DIPK1A: variants seen among roughly 807,000 people sequenced by gnomAD.
The protein encoded by DIPK1A is family with sequence similarity 69 member A.
A neutral mutation model predicts 40.8 loss-of-function variants in DIPK1A; 27 were observed. That is an observed-to-expected ratio of 0.66 (90% CI 0.49 to 0.91). DIPK1A has a LOEUF of 0.91. DIPK1A is among the 40% of genes least tolerant of loss of function. The probability of loss-of-function intolerance (pLI) is 0.00; values close to 1 mark genes in which losing one functional copy is unlikely to be tolerated. For missense variants in DIPK1A, 412 were observed against 505.7 expected (o/e 0.81, Z 1.78); for synonymous variants, 166 against 171.3 (o/e 0.97, Z 0.24).
chr1:92,864,088 C>CA (rs1220104047), intron 2 of DIPK1A, among the ~76,000 whole-genome samples: 3 of 151,746 alleles, frequency 2.0e-5, no homozygotes, highest in Admixed American at 6.6e-5. Flanking sequence ...AAAAAAACAA[C>CA]AAAAAAACCC....
At chr1:92,955,349 C>T (rs577614396) in intron 1 of DIPK1A, among the ~76,000 whole-genome samples, 12 of 152,176 alleles carry the variant, frequency 7.9e-5, no homozygotes, top group Non-Finnish European at 1.3e-4. Flanking sequence ...GGTGATAATA[C>T]GTCAGTGTAA....
intron 2 of DIPK1A, among the ~76,000 whole-genome samples, chr1:92,863,429 T>C (rs754555445): frequency 2.1e-4 from 32 of 152,080 alleles, no homozygotes; most frequent in Non-Finnish European, 1.0e-4. Flanking sequence ...CCACCAGAAG[T>C]GCTACTATGA....
intron 1 of DIPK1A, among the ~76,000 whole-genome samples, chr1:92,888,220 C>G (rs949985169): frequency 3.3e-5 from 5 of 152,052 alleles, no homozygotes; most frequent in Admixed American, 1.3e-4. Flanking sequence ...CTAGTAACCG[C>G]TCTTCTACTC....
intron 1 of DIPK1A, among the ~76,000 whole-genome samples, chr1:92,919,022 C>A (rs1396068529): frequency 6.6e-6 from 1 of 152,146 alleles, no homozygotes; most frequent in Non-Finnish European, 1.5e-5. Context: ...AAGCCATGGG[C>A]TGGTACTGGT....
Position 92,891,244 on chromosome 1 carries a change from TTTTG to T in DIPK1A, c.55-14818_55-14815del, listed in dbSNP as rs548860571. ...GTTAGTCCAGCTAATGGTTTACCAA[TTTTG>T]TTTGTCTTTTTGAAAAACCAATTTT... is the stretch of plus-strand genomic sequence containing the variant. On this transcript the variant is annotated intron_variant, in intron 1 of 4. Coordinates refer to ENST00000370310, the MANE Select transcript of DIPK1A (RefSeq NM_001006605.5). Among the ~76,000 whole-genome samples, 12 of 152,220 alleles carry T rather than the reference TTTTG, an allele frequency of 7.9e-5. No homozygotes were observed. In the South Asian group the frequency reaches 2.3e-3, roughly 29 times the overall value.
chr1:92,952,302 C>T (rs185502861), intron 1 of DIPK1A, among the ~76,000 whole-genome samples: 49 of 152,252 alleles, frequency 3.2e-4, no homozygotes, highest in Admixed American at 2.7e-3. Flanking sequence ...AAATTACAGA[C>T]ATTATGATAC....
At chr1:92,846,652 AG>A in intron 4 of DIPK1A, 1 of 397,854 alleles carries the variant, frequency 2.5e-6, no homozygotes, top group Non-Finnish European at 4.9e-6. Flanking sequence ...TTTTTGAAAC[AG>A]GGTCTCACTT....
intron 1 of DIPK1A, among the ~76,000 whole-genome samples, chr1:92,927,181 TTTG>T (rs1212874217): frequency 3.3e-5 from 5 of 152,018 alleles, no homozygotes; most frequent in East Asian, 3.8e-4. Flanking sequence ...AATTCAATGT[TTTG>T]TTGTTGTTGT....
intron 1 of DIPK1A, among the ~76,000 whole-genome samples, chr1:92,958,376 C>T (rs1344483036): frequency 1.3e-5 from 2 of 152,176 alleles, no homozygotes; most frequent in East Asian, 3.8e-4. Flanking sequence ...GCTCCTAAGG[C>T]CTGAACACCT....
chr1:92,838,844 C>G (rs763745777), downstream of DIPK1A, among the ~76,000 whole-genome samples: 1 of 152,138 alleles, frequency 6.6e-6, no homozygotes, highest in Non-Finnish European at 1.5e-5. Context: ...AATTAACTTT[C>G]AAAATGGGTA....
chr1:92,867,570 A>G (rs1055048226), intron 2 of DIPK1A, among the ~76,000 whole-genome samples: 7 of 152,132 alleles, frequency 4.6e-5, no homozygotes, highest in Non-Finnish European at 1.5e-5. Context: ...CAGTGGCACA[A>G]TCTCAGCTCA....
At chr1:92,927,054 T>C (rs1363975200) in intron 1 of DIPK1A, among the ~76,000 whole-genome samples, 1 of 152,208 alleles carries the variant, frequency 6.6e-6, no homozygotes, top group East Asian at 1.9e-4. Flanking sequence ...TTGCTGTTTC[T>C]CTGTTCCTCT....
intron 1 of DIPK1A, among the ~76,000 whole-genome samples, chr1:92,892,878 G>T (rs1047854433): frequency 6.6e-6 from 1 of 152,038 alleles, no homozygotes; most frequent in African/African-American, 2.4e-5. Flanking sequence ...TAGCCGATTC[G>T]ATCAACTGGA....
At chr1:92,903,730 T>C (rs1649505937) in intron 1 of DIPK1A, among the ~76,000 whole-genome samples, 1 of 152,250 alleles carries the variant, frequency 6.6e-6, no homozygotes, top group Non-Finnish European at 1.5e-5. Flanking sequence ...GTTTGAATTC[T>C]TTGGGCTTGA....
chr1:92,909,854 C>T (rs917604511), intron 1 of DIPK1A, among the ~76,000 whole-genome samples: 1 of 152,176 alleles, frequency 6.6e-6, no homozygotes, highest in South Asian at 2.1e-4. Context: ...TTAGTTGGAA[C>T]CTCATTTACA....
chr1:92,840,973 T>C (rs1687341677), downstream of DIPK1A: 3 of 426,582 alleles, frequency 7.0e-6, no homozygotes, highest in South Asian at 3.7e-5. Context: ...TAAAGTGATG[T>C]GATGGCCCAC....
downstream of DIPK1A, chr1:92,841,957 T>C: frequency 9.4e-7 from 1 of 1,064,382 alleles, no homozygotes; most frequent in Non-Finnish European, 1.4e-6. Flanking sequence ...TTATGAACCT[T>C]ATAGGAAATA....
intron 1 of DIPK1A, among the ~76,000 whole-genome samples, chr1:92,960,127 T>C (rs1401675087): frequency 1.3e-5 from 2 of 150,362 alleles, no homozygotes; most frequent in Non-Finnish European, 1.5e-5. Flanking sequence ...CTAGAAGGGG[T>C]TGTGACAGTG....
At chr1:92,890,423 C>A (rs1053607471) in intron 1 of DIPK1A, among the ~76,000 whole-genome samples, 2 of 152,100 alleles carry the variant, frequency 1.3e-5, no homozygotes, top group Non-Finnish European at 2.9e-5. Flanking sequence ...TTCAGCTTTT[C>A]CTTGTTCAGT....
Sources: allele counts gnomAD v4.1 joint callset (sites outside exome capture counted in the v4.1 genomes callset), GRCh38; gene constraint gnomAD v4.1.1; transcripts MANE v1.5; gene names NCBI Gene and HGNC (gene_info 2026-07-23, HGNC 2026-07-21).